RNMT: variants seen among roughly 807,000 people sequenced by gnomAD.
The protein encoded by RNMT is RNA guanine-7 methyltransferase.
RNMT carries 27 observed loss-of-function variants against 56.0 expected under a neutral mutation model. That is an observed-to-expected ratio of 0.48 (90% CI 0.36 to 0.67). RNMT has a LOEUF of 0.67. Among genes scored for constraint, RNMT ranks in the 30% least tolerant of loss-of-function variants. The probability of loss-of-function intolerance (pLI) is 0.00; values close to 1 mark genes in which losing one functional copy is unlikely to be tolerated. For synonymous variants in RNMT, 184 were observed against 176.2 expected (o/e 1.04, Z -0.35); for missense variants, 519 against 552.1 (o/e 0.94, Z 0.60).
Position 13,760,708 on chromosome 18 carries a change from C to A in RNMT, c.*729C>A. On this transcript the variant is annotated 3_prime_UTR_variant, in exon 12 of 12. Transcript: ENST00000383314. ...GACACATTTACCTTTCTTCATTGAACAAATGGTGCCATAGTTATTTTTCTC... is the reference window on the plus strand; with the variant it reads ...GACACATTTACCTTTCTTCATTGAAAAAATGGTGCCATAGTTATTTTTCTC... 1 of 985,244 alleles carries A rather than the reference C, an allele frequency of 1.0e-6. No individual in the cohort carries two copies. The highest frequency in any genetic ancestry group is 1.1e-4 in the East Asian group (1 of 8,814). 61.0% of individuals were successfully genotyped at this position (985,244 alleles called of 1,614,324 possible).
chr18:13,742,734 C>G, intron 8 of RNMT, 82 bp downstream of exon 8: 1 of 1,038,404 alleles, frequency 9.6e-7, no homozygotes. Flanking sequence ...TTATTTTACT[C>G]TTTATTTTAA....
intron 9 of RNMT, among the ~76,000 whole-genome samples, chr18:13,747,644 G>A (rs1368922495): frequency 6.6e-6 from 1 of 152,190 alleles, no homozygotes; most frequent in Non-Finnish European, 1.5e-5. Context: ...TCCTGTTGAA[G>A]TTGCACCTGC....
intron 1 of RNMT, among the ~76,000 whole-genome samples, chr18:13,727,434 T>C (rs1015646815): frequency 2.6e-5 from 4 of 152,234 alleles, no homozygotes; most frequent in African/African-American, 9.6e-5. Flanking sequence ...ATTATTCCAC[T>C]TTGAGTTTGG....
chr18:13,762,933 C>T lies in RNMT; in HGVS notation c.*2954C>T. ...ATGCCAGTGTGAATATTCTAGCTAC[C>T]AAACATTGTTTTTTGTTGAAAAACT... On this transcript the variant is annotated 3_prime_UTR_variant, in exon 12 of 12. Coordinates refer to ENST00000383314, the MANE Select transcript of RNMT (RefSeq NM_003799.3). 1 of 368,854 alleles carries T rather than the reference C, an allele frequency of 2.7e-6. No homozygotes were observed. The highest frequency in any genetic ancestry group is 2.0e-5 in the South Asian group (1 of 49,228). The allele number at this position is 368,854 out of a possible 1,614,324, so 22.8% of individuals were successfully genotyped here.
chr18:13,736,955 A>T, intron 4 of RNMT, 55 bp from the exon 5 acceptor site: 1 of 1,516,934 alleles, frequency 6.6e-7, no homozygotes, highest in Non-Finnish European at 9.1e-7. Flanking sequence ...AACAGTTTAT[A>T]CTTCAGTAAA....
chr18:13,762,001 A>G lies in RNMT; in HGVS notation c.*2022A>G, dbSNP rs1302182618. 6.5e-7 allele frequency: 1 copy of G among 1,535,784 alleles called. No homozygotes were observed. The stretch of plus-strand genomic sequence containing the variant: ...AGGGAGCTAGTAGGACTCTTCCTTG[A>G]CACACCTTGTCGTCTAAATGTTCGG... On this transcript the variant is annotated 3_prime_UTR_variant, in exon 12 of 12. Transcript: ENST00000383314.
chr18:13,734,213 CTT>C (rs1425245076), intron 3 of RNMT, among the ~76,000 whole-genome samples: 2 of 152,162 alleles, frequency 1.3e-5, no homozygotes, highest in African/African-American at 2.4e-5. Context: ...CATTGAACCT[CTT>C]TTTGTTTATA....
intron 4 of RNMT, 57 bp downstream of exon 4, chr18:13,734,656 C>A (rs570585211): frequency 1.6e-5 from 23 of 1,409,946 alleles, no homozygotes; most frequent in Non-Finnish European, 2.0e-5. Flanking sequence ...AATTATCAAA[C>A]CTTGACTTTA....
rs1394375777 is a variant in RNMT at position 13,762,539 on chromosome 18, C to T, written c.*2560C>T. The T allele has an allele frequency of 9.7e-6, 2 of 205,756 alleles. No homozygotes were observed. The highest frequency in any genetic ancestry group is 2.0e-5 in the Non-Finnish European group (2 of 101,310). 12.7% of individuals were successfully genotyped at this position (205,756 alleles called of 1,614,324 possible). ...AGCTGGAGAAAACATTGGGTGGAGACTCTCACTTATGTTAATGCAATCTTG... is the reference window on the plus strand; with the variant it reads ...AGCTGGAGAAAACATTGGGTGGAGATTCTCACTTATGTTAATGCAATCTTG... On this transcript the variant is annotated 3_prime_UTR_variant, in exon 12 of 12. Coordinates refer to ENST00000383314, the MANE Select transcript of RNMT (RefSeq NM_003799.3).
chr18:13,735,667 A>AT (rs1352233540), intron 4 of RNMT, among the ~76,000 whole-genome samples: 4 of 151,808 alleles, frequency 2.6e-5, no homozygotes, highest in African/African-American at 4.8e-5. Context: ...TTATTCATGT[A>AT]TTTTTTTATT....
chr18:13,738,143 C>G (rs1314580394), intron 5 of RNMT, among the ~76,000 whole-genome samples: 1 of 151,990 alleles, frequency 6.6e-6, no homozygotes, highest in Non-Finnish European at 1.5e-5. Flanking sequence ...ATTAGCAGTT[C>G]TCAGATTTTT....
Position 13,761,937 on chromosome 18 carries a change from A to AGGC in RNMT, c.*1959_*1961dup. ...GAACTGTTAGGAAGAGGACTAGAAA[A>AGGC]GGCTTCCCCTGCCTATCCTCTCCGA... On this transcript the variant is annotated 3_prime_UTR_variant, in exon 12 of 12. Transcript: ENST00000383314. 6.7e-7 allele frequency: 1 copy of AGGC among 1,497,260 alleles called. No homozygotes were observed. The highest frequency in any genetic ancestry group is 8.9e-7 in the Non-Finnish European group (1 of 1,129,426). 92.7% of individuals were successfully genotyped at this position (1,497,260 alleles called of 1,614,324 possible).
At chr18:13,735,904 T>G (rs968284416) in intron 4 of RNMT, among the ~76,000 whole-genome samples, 1 of 152,184 alleles carries the variant, frequency 6.6e-6, no homozygotes, top group Non-Finnish European at 1.5e-5. Context: ...TGCCAAGCTT[T>G]CTCTCTGGCT....
Position 13,762,975 on chromosome 18 carries a change from C to T in RNMT, c.*2996C>T. On this transcript the variant is annotated 3_prime_UTR_variant, in exon 12 of 12. Transcript: ENST00000383314. ...TGAAAAACTGACTTTCTGTTGTCTACCTCAGGCCTTGTGCATTTGGGTTAT... is the reference window on the plus strand; with the variant it reads ...TGAAAAACTGACTTTCTGTTGTCTATCTCAGGCCTTGTGCATTTGGGTTAT... The T allele has an allele frequency of 2.4e-6, 1 of 422,136 alleles. No individual in the cohort carries two copies. Among genetic ancestry groups the T allele is most frequent in the Non-Finnish European group, 4.8e-6 (1 of 209,606 alleles). 26.1% of individuals were successfully genotyped at this position (422,136 alleles called of 1,614,324 possible). A position where few individuals can be genotyped will look rare whatever the true frequency, so the allele number is the denominator to read the frequency against.
At position 13,761,203 on chromosome 18, in the gene RNMT, T is replaced by G. The variant is rs1598432606; in HGVS notation, c.*1224T>G. 1 of 985,464 alleles carries G rather than the reference T, an allele frequency of 1.0e-6. No homozygotes were observed. The highest frequency in any genetic ancestry group is 1.2e-6 in the Non-Finnish European group (1 of 829,938). 61.0% of individuals were successfully genotyped at this position (985,464 alleles called of 1,614,324 possible). On this transcript the variant is annotated 3_prime_UTR_variant, in exon 12 of 12. Transcript: ENST00000383314. ...AGTTGCAAACTTTTTAGCAAGAAAATATGGATTTCCTCATTTCAGTTCCTT... is the reference window on the plus strand; with the variant it reads ...AGTTGCAAACTTTTTAGCAAGAAAAGATGGATTTCCTCATTTCAGTTCCTT...
In RNMT at chr18:13,731,560, C is replaced by G. The variant is rs560888117; in HGVS notation, c.43C>G (p.Leu15Val). 6.2e-7 allele frequency: 1 copy of G among 1,609,232 alleles called. No individual in the cohort carries two copies. The highest frequency in any genetic ancestry group is 8.5e-7 in the Non-Finnish European group (1 of 1,178,832). ...AGCAGAAGAATATGAAAAGATGTCTCTTGAACAGGCAAAAGCGTCAGTGAA... is the reference window on the plus strand; with the variant it reads ...AGCAGAAGAATATGAAAAGATGTCTGTTGAACAGGCAAAAGCGTCAGTGAA... ...AKAEEYEKMS[L>V]EQAKASVNSE... Residue 15 changes from leucine (L) to valine (V), a missense_variant, in exon 3 of 12, where the codon CTT becomes GTT. Coordinates refer to ENST00000383314, the MANE Select transcript of RNMT (RefSeq NM_003799.3).
At chr18:13,742,377 G>T in intron 7 of RNMT, 111 bp from the exon 8 acceptor site, 1 of 940,940 alleles carries the variant, frequency 1.1e-6, no homozygotes, top group Non-Finnish European at 1.6e-6. Flanking sequence ...TAATTAAAAG[G>T]CTAATCAAGT....
chr18:13,740,300 C>T (rs749812452), intron 6 of RNMT, 21 bp downstream of exon 6: 4 of 1,229,434 alleles, frequency 3.3e-6, no homozygotes, highest in South Asian at 2.7e-5. Context: ...TTTCTTTGGT[C>T]AATTTATTTT....
At chr18:13,745,772 A>AG (rs1260828743) in intron 8 of RNMT, among the ~76,000 whole-genome samples, 1 of 152,186 alleles carries the variant, frequency 6.6e-6, no homozygotes, top group Non-Finnish European at 1.5e-5. Flanking sequence ...AAGGAAAAAA[A>AG]AAAAACCTGC....
Sources: allele counts gnomAD v4.1 joint callset (sites outside exome capture counted in the v4.1 genomes callset), GRCh38; gene constraint gnomAD v4.1.1; transcripts MANE v1.5; gene names NCBI Gene and HGNC (gene_info 2026-07-23, HGNC 2026-07-21).